Variants in PPM1H observed in about 807,000 individuals in gnomAD.
PPM1H encodes protein phosphatase, Mg2+/Mn2+ dependent 1H, also known as protein phosphatase 1H.
Under a neutral mutation model 54.9 loss-of-function variants are expected in PPM1H, and 27 were observed. The ratio of observed to expected loss-of-function variants is 0.49; its 90% CI spans 0.36 to 0.68. PPM1H has a LOEUF of 0.68. PPM1H is among the 30% of genes least tolerant of loss of function. PPM1H has a pLI of 0.00. For synonymous variants in PPM1H, 305 were observed against 270.8 expected (o/e 1.13, Z -1.24); for missense variants, 596 against 667.8 (o/e 0.89, Z 1.19).
chr12:62,746,255 G>A (rs2076410369), intron 4 of PPM1H, among the ~76,000 whole-genome samples: 1 of 152,174 alleles, frequency 6.6e-6, no homozygotes, highest in East Asian at 1.9e-4. Context: ...TGCAGCCTGA[G>A]CATTCTGTAA....
rs1872246161 is a variant in PPM1H, at chr12:62,934,262, C to G, written c.245+230G>C. Among the ~76,000 whole-genome samples, 1 of 152,176 alleles carries G rather than the reference C, an allele frequency of 6.6e-6. No individual in the cohort carries two copies. Among genetic ancestry groups the G allele is most frequent in the Non-Finnish European group, 1.5e-5 (1 of 68,024 alleles). The stretch of plus-strand genomic sequence containing the variant: ...CCCACGCTCCAGCGCTGCCACCCAC[C>G]CCTCCACCACCCATACCGGGGCTGG... On this transcript the variant is annotated intron_variant, in intron 1 of 9. Transcript: ENST00000228705. The surrounding 1 kb of genome is among the most constrained non-coding windows in gnomAD (Gnocchi z 4.2).
At chr12:62,742,019 C>T (rs1037898560) in intron 4 of PPM1H, among the ~76,000 whole-genome samples, 7 of 151,968 alleles carry the variant, frequency 4.6e-5, no homozygotes, top group African/African-American at 9.7e-5. Context: ...GAGTTGCCAC[C>T]GAGAAGCTCC....
In PPM1H at chr12:62,802,011, C is replaced by T; in HGVS notation, c.561G>A (p.Leu187=). ...GCTCCTCCCCCAGGCAGGTAGGGGG[C>T]AGGACGGCGGAGTTCTTCAGGATGT... ...IVDILKNSAV[L]PPTCLGEEPE... is the part of the protein sequence containing the mutation. The change falls in exon 3 of 10, where the codon CTG becomes CTA. Residue 187 remains leucine, a synonymous_variant. Transcript: ENST00000228705. 2 of 1,613,436 alleles carry T rather than the reference C, an allele frequency of 1.2e-6. No individual in the cohort carries two copies. The highest frequency in any genetic ancestry group is 1.7e-6 in the Non-Finnish European group (2 of 1,179,720).
At chr12:62,740,023 T>C (rs1458899287) in intron 4 of PPM1H, among the ~76,000 whole-genome samples, 2 of 152,170 alleles carry the variant, frequency 1.3e-5, no homozygotes, top group Non-Finnish European at 2.9e-5. Context: ...TTCCACTGGA[T>C]CTCTGCCCAT....
At chr12:62,816,573 T>A (rs893392391) in intron 2 of PPM1H, among the ~76,000 whole-genome samples, 1 of 152,162 alleles carries the variant, frequency 6.6e-6, no homozygotes, top group Non-Finnish European at 1.5e-5. Context: ...TATATGCAAA[T>A]AGTCCAAAAT....
intron 1 of PPM1H, among the ~76,000 whole-genome samples, chr12:62,858,906 A>G (rs926434325): frequency 6.6e-6 from 1 of 152,212 alleles, no homozygotes; most frequent in Non-Finnish European, 1.5e-5. Context: ...TAATTCATAG[A>G]ATTTCAAGAG....
chr12:62,836,096 A>G (rs1467142259), intron 1 of PPM1H, among the ~76,000 whole-genome samples: 1 of 152,208 alleles, frequency 6.6e-6, no homozygotes, highest in East Asian at 1.9e-4. Context: ...AGGAAAAACG[A>G]CTATGCTATC....
Position 62,907,322 on chromosome 12 carries a change from T to C in PPM1H, c.245+27170A>G, listed in dbSNP as rs1374921137. 2.0e-5 allele frequency among the ~76,000 whole-genome samples: 3 copies of C among 152,170 alleles called. No individual in the cohort carries two copies. The East Asian group carries it at 5.8e-4, about 29-fold the overall frequency. On this transcript the variant is annotated intron_variant, in intron 1 of 9. Coordinates refer to ENST00000228705, the MANE Select transcript of PPM1H (RefSeq NM_020700.2). ...TTTCATCATCACGAGTCTTGGGAGCTGGATATTATTACCCTACTTTTAGTA... is the reference window on the plus strand; with the variant it reads ...TTTCATCATCACGAGTCTTGGGAGCCGGATATTATTACCCTACTTTTAGTA...
rs181683974 is a variant in PPM1H at position 62,814,720 on chromosome 12, G to A, written c.412-12560C>T. Among the ~76,000 whole-genome samples, 63 of 152,292 alleles carry A rather than the reference G, an allele frequency of 4.1e-4. 1 individual carries two copies. Among genetic ancestry groups the A allele is most frequent in the African/African-American group, 1.5e-3 (62 of 41,560 alleles). On this transcript the variant is annotated intron_variant, in intron 2 of 9. Coordinates refer to ENST00000228705, the MANE Select transcript of PPM1H (RefSeq NM_020700.2). ...ACAGCAGGAAAGGCCTATCACAAAT[G>A]TAGAAATCCCACTTTGAGTGACATC...
intron 8 of PPM1H, among the ~76,000 whole-genome samples, chr12:62,685,792 G>C (rs1555188952): frequency 6.6e-6 from 1 of 152,122 alleles, no homozygotes; most frequent in Non-Finnish European, 1.5e-5. Context: ...CACAAAAAAT[G>C]ATAAGTATAT....
chr12:62,692,857 C>G (rs2076090245), intron 7 of PPM1H, among the ~76,000 whole-genome samples: 1 of 151,742 alleles, frequency 6.6e-6, no homozygotes, highest in Non-Finnish European at 1.5e-5. Context: ...GTTGAGATGT[C>G]TTTTTGCATT....
chr12:62,863,389 G>A (rs1243064769), intron 1 of PPM1H, among the ~76,000 whole-genome samples: 1 of 152,110 alleles, frequency 6.6e-6, no homozygotes, highest in Non-Finnish European at 1.5e-5. Flanking sequence ...CACAAATGTG[G>A]ACTTTATAGG....
At position 62,906,632 on chromosome 12, in the gene PPM1H, A is replaced by G. The variant is rs183352482; in HGVS notation, c.245+27860T>C. ...CATGATGTCCAGAGGAGTAAACTGT[A>G]TTTCTCCACATAAAAGACTATTCAG... is the stretch of plus-strand genomic sequence containing the variant. On this transcript the variant is annotated intron_variant, in intron 1 of 9. Coordinates refer to ENST00000228705, the MANE Select transcript of PPM1H (RefSeq NM_020700.2). 2.3e-3 allele frequency among the ~76,000 whole-genome samples: 356 copies of G among 152,334 alleles called. 1 individual carries two copies. Among genetic ancestry groups the G allele is most frequent in the African/African-American group, 7.8e-3 (324 of 41,582 alleles).
At chr12:62,900,810 C>A (rs573299557) in intron 1 of PPM1H, among the ~76,000 whole-genome samples, 3 of 152,152 alleles carry the variant, frequency 2.0e-5, no homozygotes. Flanking sequence ...ACTTAAGCCC[C>A]GGTGTCTGGT....
chr12:62,865,110 T>C (rs1869728687), intron 1 of PPM1H, among the ~76,000 whole-genome samples: 1 of 152,190 alleles, frequency 6.6e-6, no homozygotes, highest in African/African-American at 2.4e-5. Context: ...CTTTTGCTCA[T>C]TCTCTCCAAT....
intron 2 of PPM1H, among the ~76,000 whole-genome samples, chr12:62,807,688 G>A (rs1196290264): frequency 2.0e-5 from 3 of 152,134 alleles, no homozygotes; most frequent in Non-Finnish European, 4.4e-5. Flanking sequence ...GTCCTCCTAT[G>A]CTAGGAGGAT....
intron 1 of PPM1H, among the ~76,000 whole-genome samples, chr12:62,881,927 G>A (rs780071214): frequency 2.6e-5 from 4 of 151,954 alleles, no homozygotes; most frequent in Non-Finnish European, 4.4e-5. Flanking sequence ...TGATGGACAT[G>A]TTCTAGATCT....
chr12:62,765,284 C>T (rs1304884976), intron 4 of PPM1H, among the ~76,000 whole-genome samples: 1 of 152,172 alleles, frequency 6.6e-6, no homozygotes, highest in Non-Finnish European at 1.5e-5. Flanking sequence ...GGGAGCTGGG[C>T]ACAGTGGGGT....
At chr12:62,924,984 G>A (rs1249936) in intron 1 of PPM1H, among the ~76,000 whole-genome samples, 43,483 of 152,014 alleles carry the variant, frequency 0.29, 6,908 homozygotes, top group Admixed American at 0.37. Context: ...CAGAGGCTGC[G>A]TTGAACCTGG....
Sources: allele counts gnomAD v4.1 joint callset (sites outside exome capture counted in the v4.1 genomes callset), GRCh38; gene constraint gnomAD v4.1.1; non-coding constraint Gnocchi (gnomAD v3.1); transcripts MANE v1.5; gene names NCBI Gene and HGNC (gene_info 2026-07-23, HGNC 2026-07-21).